Variants in RASGRP1 observed in about 807,000 individuals in gnomAD.
RASGRP1 encodes the protein RAS guanyl releasing protein 1.
Under a neutral mutation model 95.1 loss-of-function variants are expected in RASGRP1, and 37 were observed. That is an observed-to-expected ratio of 0.39 (90% CI 0.30 to 0.51). The LOEUF is 0.51. Ranked by LOEUF, RASGRP1 falls within the 20% of genes least tolerant of loss-of-function variation. The probability of loss-of-function intolerance (pLI) is 0.80; values close to 1 mark genes in which losing one functional copy is unlikely to be tolerated. For synonymous variants in RASGRP1, 325 were observed against 353.4 expected (o/e 0.92, Z 0.90); for missense variants, 711 against 965.4 (o/e 0.74, Z 3.49).
intron 16 of RASGRP1, among the ~76,000 whole-genome samples, chr15:38,492,281 C>G (rs59569884): frequency 6.6e-6 from 1 of 151,992 alleles, no homozygotes; most frequent in East Asian, 1.9e-4. Flanking sequence ...GTTCTTTTTT[C>G]GTATGTTTCT....
Position 38,564,551 on chromosome 15 carries a change from A to T in RASGRP1, c.35+43T>A, listed in dbSNP as rs560149941. On this transcript the variant is annotated intron_variant, in intron 1 of 16. Transcript: ENST00000310803. ...ACGGGCAGGGGCCTCTTTCCCAAGA[A>T]AGGACACAGGCGCTCCCGAGGGCCA... is the stretch of plus-strand genomic sequence containing the variant. 4.5e-6 allele frequency: 6 copies of T among 1,338,522 alleles called. 1 individual carries two copies. The South Asian group carries it at 1.3e-4, about 28-fold the overall frequency. 82.9% of individuals were successfully genotyped at this position (1,338,522 alleles called of 1,614,324 possible). A position where few individuals can be genotyped will look rare whatever the true frequency, so the allele number is the denominator to read the frequency against.
At chr15:38,508,850 T>C (rs1457428188) in intron 8 of RASGRP1, among the ~76,000 whole-genome samples, 1 of 152,174 alleles carries the variant, frequency 6.6e-6, no homozygotes, top group Non-Finnish European at 1.5e-5. Flanking sequence ...AGCAAAGACA[T>C]GAAGTGACTG....
chr15:38,563,575 G>A (rs1893899801), intron 1 of RASGRP1, among the ~76,000 whole-genome samples: 1 of 152,196 alleles, frequency 6.6e-6, no homozygotes, highest in South Asian at 2.1e-4. Flanking sequence ...CTTTGCAGTG[G>A]AAGGTGACTC....
At position 38,506,192 on chromosome 15, in the gene RASGRP1, C is replaced by T. The variant is rs1343249624; in HGVS notation, c.1243-272G>A. On this transcript the variant is annotated intron_variant, in intron 9 of 16. Transcript: ENST00000310803. ...TCTATATAGAGCTTAGGCCAAAGGC[C>T]TTGTCTGGACAGATGACTAATACAT... Among the ~76,000 whole-genome samples, 5 of 152,108 alleles carry T rather than the reference C, an allele frequency of 3.3e-5. No individual in the cohort carries two copies. The East Asian group carries it at 9.6e-4, about 29-fold the overall frequency.
chr15:38,499,260 C>CTGTT (rs1890917387), intron 14 of RASGRP1: 1 of 452,572 alleles, frequency 2.2e-6, no homozygotes, highest in South Asian at 2.0e-5. Flanking sequence ...AAACACTCAG[C>CTGTT]TGTTAGGTCT....
At chr15:38,502,210 GC>G in intron 12 of RASGRP1, 101 bp downstream of exon 12, 1 of 794,898 alleles carries the variant, frequency 1.3e-6, no homozygotes, top group Middle Eastern at 2.3e-4. Flanking sequence ...AGTGATCACA[GC>G]AGCAACATAT....
At chr15:38,503,715 A>G (rs990809497) in intron 10 of RASGRP1, 12 of 249,682 alleles carry the variant, frequency 4.8e-5, no homozygotes, top group African/African-American at 2.1e-4. Context: ...ATTCCTCTCT[A>G]TTCTCCAGTC....
intron 2 of RASGRP1, among the ~76,000 whole-genome samples, chr15:38,543,047 A>G (rs1322336237): frequency 1.3e-5 from 2 of 151,228 alleles, no homozygotes; most frequent in South Asian, 2.1e-4. Flanking sequence ...ATAAAGTCCA[A>G]TTTGCTAAAT....
Position 38,519,311 on chromosome 15 carries a change from T to C in RASGRP1, c.387A>G (p.Val129=). The C allele has an allele frequency of 6.6e-7, 1 of 1,523,908 alleles. No individual in the cohort carries two copies. The highest frequency in any genetic ancestry group is 9.1e-7 in the Non-Finnish European group (1 of 1,098,808). 94.4% of individuals were successfully genotyped at this position (1,523,908 alleles called of 1,614,324 possible). The change falls in exon 4 of 17, where the codon GTA becomes GTG. Residue 129 remains valine, a splice_region_variant and synonymous_variant. Transcript: ENST00000310803. ...PGLCLKICYF[V]RYWITEFWVM... ...TGAAATACATAAAGAAACATTACCT[T>C]ACAAAATAACAGATCTTCAGGCAAA...
chr15:38,533,670 T>C (rs1429011617), intron 2 of RASGRP1, among the ~76,000 whole-genome samples: 1 of 152,184 alleles, frequency 6.6e-6, no homozygotes, highest in East Asian at 1.9e-4. Context: ...TTGGTCTCTG[T>C]TAGTCCCCAG....
At position 38,559,848 on chromosome 15, in the gene RASGRP1, G is replaced by A. The variant is rs746626961; in HGVS notation, c.193C>T (p.Leu65Phe). The A allele has an allele frequency of 6.2e-7, 1 of 1,613,988 alleles. No homozygotes were observed. Among genetic ancestry groups the A allele is most frequent in the Non-Finnish European group, 8.5e-7 (1 of 1,179,848 alleles). ...AAAGATTGAATGCAGCTGTCAATGA[G>A]ATCGTCCAGGCTGGCTCCTTTGGCT... ...HLAKGASLDD[L>F]IDSCIQSFDA... The change falls in exon 2 of 17, where the codon CTC becomes TTC. Residue 65 changes from leucine to phenylalanine, a missense_variant. Leu to Phe is a conservative substitution (Grantham distance 22). This residue lies in a region of RASGRP1 where 491 missense variants were observed against 676.6 expected (regional missense o/e 0.73). Transcript: ENST00000310803.
At chr15:38,540,159 C>T (rs565014399) in intron 2 of RASGRP1, among the ~76,000 whole-genome samples, 1 of 152,268 alleles carries the variant, frequency 6.6e-6, no homozygotes, top group South Asian at 2.1e-4. Flanking sequence ...AACTCCTGGG[C>T]TCAAGCGATC....
chr15:38,501,653 C>T (rs1891029890), intron 12 of RASGRP1, among the ~76,000 whole-genome samples: 1 of 152,148 alleles, frequency 6.6e-6, no homozygotes, highest in Non-Finnish European at 1.5e-5. Flanking sequence ...AACTGGAACC[C>T]ACTAACCATA....
chr15:38,526,128 A>C (rs964397694), intron 3 of RASGRP1, among the ~76,000 whole-genome samples, 171 bp downstream of exon 3: 32 of 152,258 alleles, frequency 2.1e-4, no homozygotes, highest in African/African-American at 7.5e-4. Flanking sequence ...CCAACAGAGG[A>C]TACATGAACA....
At chr15:38,516,555 T>C (rs1288950230) in intron 5 of RASGRP1, among the ~76,000 whole-genome samples, 3 of 152,130 alleles carry the variant, frequency 2.0e-5, no homozygotes, top group African/African-American at 7.2e-5. Context: ...TGGTTTTCAG[T>C]GAGCCTTTTA....
intron 2 of RASGRP1, among the ~76,000 whole-genome samples, chr15:38,536,014 C>A (rs937070701): frequency 6.6e-6 from 1 of 152,190 alleles, no homozygotes; most frequent in East Asian, 1.9e-4. Flanking sequence ...CCCGAGCAGA[C>A]CCAGTGAGCT....
intron 16 of RASGRP1, 102 bp downstream of exon 16, chr15:38,494,280 T>C: frequency 6.9e-7 from 1 of 1,459,376 alleles, no homozygotes; most frequent in Non-Finnish European, 9.4e-7. Context: ...TTAGACTGCT[T>C]GTAATCAGCC....
chr15:38,492,456 T>G (rs1015411936), intron 16 of RASGRP1, among the ~76,000 whole-genome samples: 1 of 151,982 alleles, frequency 6.6e-6, no homozygotes, highest in Non-Finnish European at 1.5e-5. Flanking sequence ...GGACAGTTTT[T>G]CAGTCTGTAG....
intron 2 of RASGRP1, among the ~76,000 whole-genome samples, chr15:38,537,530 T>C (rs1338886306): frequency 6.6e-6 from 1 of 152,148 alleles, no homozygotes; most frequent in African/African-American, 2.4e-5. Flanking sequence ...TGCAGCACTA[T>C]AGACATGAGC....
Sources: allele counts gnomAD v4.1 joint callset (sites outside exome capture counted in the v4.1 genomes callset), GRCh38; gene constraint gnomAD v4.1.1; regional missense constraint gnomAD v4.1.1; transcripts MANE v1.5; gene names NCBI Gene and HGNC (gene_info 2026-07-23, HGNC 2026-07-21).